The following NGFR variants were observed in gnomAD, a reference collection of about 807,000 sequenced individuals.
The protein encoded by NGFR is nerve growth factor receptor.
In NGFR, 30 loss-of-function variants were observed where a neutral mutation model predicts 43.2. The observed-to-expected ratio is 0.69, with a 90% CI of 0.52 to 0.94. The LOEUF (loss-of-function observed/expected upper bound fraction) is 0.94. NGFR is among the 40% of genes least tolerant of loss of function. NGFR has a pLI of 0.00. For synonymous variants in NGFR, 246 were observed against 259.6 expected, an observed-to-expected ratio of 0.95 and a Z score of 0.50; for missense variants, 529 against 602.5, an observed-to-expected ratio of 0.88 and a Z score of 1.28.
intron 3 of NGFR, among the ~76,000 whole-genome samples, chr17:49,507,963 T>C (rs1270738177): frequency 6.6e-6 from 1 of 152,210 alleles, no homozygotes; most frequent in African/African-American, 2.4e-5. Context: ...GACCCTCCAG[T>C]CTGATAGGGG....
At chr17:49,500,233 A>G (rs2071159821) in intron 1 of NGFR, among the ~76,000 whole-genome samples, 3 of 152,240 alleles carry the variant, frequency 2.0e-5, no homozygotes, top group South Asian at 2.1e-4. Flanking sequence ...TGCAGCCACC[A>G]TGGTGAAAAG....
chr17:49,510,313 G>C (rs2071222932), intron 3 of NGFR, 99 bp from the exon 4 acceptor site: 1 of 1,531,630 alleles, frequency 6.5e-7, no homozygotes, highest in African/African-American at 1.4e-5. Flanking sequence ...AGAGCACCTG[G>C]AGCCAGGGCG....
intron 2 of NGFR, 124 bp from the exon 3 acceptor site, chr17:49,506,175 C>G: frequency 6.8e-7 from 1 of 1,469,828 alleles, no homozygotes; most frequent in Non-Finnish European, 9.0e-7. Context: ...GGGTGGGAGC[C>G]GATGAGAAGG....
At position 49,504,743 on chromosome 17, in the gene NGFR, CCT is replaced by C. The variant is rs2071185859; in HGVS notation, c.209-1553_209-1552del. 4.1e-5 allele frequency among the ~76,000 whole-genome samples: 3 copies of C among 72,954 alleles called. No individual in the cohort carries two copies. The South Asian group carries it at 1.3e-3, about 33-fold the overall frequency. The allele number at this position is 72,954 out of a possible 152,430, so 47.9% of individuals were successfully genotyped here. The stretch of plus-strand genomic sequence containing the variant: ...CTTCTTCCTGGGTCTTTTCTTCTCT[CCT>C]CTACCCTTTTTCTTTCTTTCTTTCT... On this transcript the variant is annotated intron_variant, in intron 2 of 5. Transcript: ENST00000172229.
intron 1 of NGFR, among the ~76,000 whole-genome samples, chr17:49,501,266 C>T (rs1004634680): frequency 2.6e-5 from 4 of 152,206 alleles, no homozygotes; most frequent in Non-Finnish European, 4.4e-5. Flanking sequence ...GAAATCAAAC[C>T]GTGGCAGGGC....
In NGFR at chr17:49,506,201, A is replaced by G. The variant is rs537993254; in HGVS notation, c.209-98A>G. 311 of 1,490,660 alleles carry G rather than the reference A, an allele frequency of 2.1e-4. 4 individuals are homozygous for G. The South Asian group carries it at 3.2e-3, about 15-fold the overall frequency. The allele number at this position is 1,490,660 out of a possible 1,614,324, so 92.3% of individuals were successfully genotyped here. On this transcript the variant is annotated intron_variant, in intron 2 of 5. Transcript: ENST00000172229. ...GATGAGAAGGCTGAAGGAGGAAGTC[A>G]GCGTCCTGGCAGGCAATAGGGGAGG...
Position 49,513,146 on chromosome 17 carries a change from TC to T in NGFR, c.*139del. The T allele has an allele frequency of 1.1e-6, 1 of 932,590 alleles. No homozygotes were observed. Among genetic ancestry groups the T allele is most frequent in the Non-Finnish European group, 1.6e-6 (1 of 644,276 alleles). 57.8% of individuals were successfully genotyped at this position (932,590 alleles called of 1,614,324 possible). A position where few individuals can be genotyped will look rare whatever the true frequency, so the allele number is the denominator to read the frequency against. On this transcript the variant is annotated 3_prime_UTR_variant, in exon 6 of 6. Coordinates refer to ENST00000172229, the MANE Select transcript of NGFR (RefSeq NM_002507.4). Reference sequence around the variant, plus strand: ...AGCTCCTCTGGGCAGGACCTCAGAGTCCAGGCCCCAAAACCACAGCCCTGTC... The same window carrying T: ...AGCTCCTCTGGGCAGGACCTCAGAGTCAGGCCCCAAAACCACAGCCCTGTC...
intron 3 of NGFR, 73 bp from the exon 4 acceptor site, chr17:49,510,339 C>T: frequency 6.3e-7 from 1 of 1,578,400 alleles, no homozygotes; most frequent in Non-Finnish European, 8.6e-7. Context: ...ACAGGAAGAA[C>T]ACGGCAGTGG....
At position 49,512,670 on chromosome 17, in the gene NGFR, C is replaced by T. The variant is rs2071241300; in HGVS notation, c.983-38C>T. On this transcript the variant is annotated intron_variant, in intron 5 of 5. Coordinates refer to ENST00000172229, the MANE Select transcript of NGFR (RefSeq NM_002507.4). This position sits in a 1 kb window ranked among gnomAD's most constrained non-coding sequence, Gnocchi z 5.2. Reference sequence around the variant, plus strand: ...GTGCCCACTGTTGGGGAAAGGAGTTCAGGGGTAGGACCTGACTCTCCTCTG... The same window carrying T: ...GTGCCCACTGTTGGGGAAAGGAGTTTAGGGGTAGGACCTGACTCTCCTCTG... The T allele has an allele frequency of 6.5e-7, 1 of 1,535,728 alleles. No individual in the cohort carries two copies. Among genetic ancestry groups the T allele is most frequent in the Non-Finnish European group, 8.8e-7 (1 of 1,139,702 alleles).
Position 49,514,220 on chromosome 17 carries a change from C to G in NGFR, c.*1211C>G, listed in dbSNP as rs1381262725. On this transcript the variant is annotated 3_prime_UTR_variant, in exon 6 of 6. Transcript: ENST00000172229. ...CCGGGTTTGGCGGGCCAAGGACTGC[C>G]GACCGAGGCTGGAGCTGGCGTCTGT... 1 of 159,464 alleles carries G rather than the reference C, an allele frequency of 6.3e-6. No individual in the cohort carries two copies. Among genetic ancestry groups the G allele is most frequent in the Non-Finnish European group, 1.4e-5 (1 of 72,540 alleles). The allele number at this position is 159,464 out of a possible 1,614,324, so 9.9% of individuals were successfully genotyped here. A position where few individuals can be genotyped will look rare whatever the true frequency, so the allele number is the denominator to read the frequency against.
rs2071240522 is a variant in NGFR at position 49,512,578 on chromosome 17, C to T, written c.983-130C>T. 1.6e-6 allele frequency: 2 copies of T among 1,240,304 alleles called. No homozygotes were observed. Among genetic ancestry groups the T allele is most frequent in the Non-Finnish European group, 1.1e-6 (1 of 892,378 alleles). 76.8% of individuals were successfully genotyped at this position (1,240,304 alleles called of 1,614,324 possible). A position where few individuals can be genotyped will look rare whatever the true frequency, so the allele number is the denominator to read the frequency against. On this transcript the variant is annotated intron_variant, in intron 5 of 5. Transcript: ENST00000172229. This position sits in a 1 kb window ranked among gnomAD's most constrained non-coding sequence, Gnocchi z 5.2. Reference sequence around the variant, plus strand: ...CACTTCCTGGTGCCCCACCCAGGACCTTGTCTTGGCCCCAGGCCTCCAGAT... The same window carrying T: ...CACTTCCTGGTGCCCCACCCAGGACTTTGTCTTGGCCCCAGGCCTCCAGAT...
chr17:49,505,125 C>A (rs2584674), intron 2 of NGFR, among the ~76,000 whole-genome samples: 2 of 151,520 alleles, frequency 1.3e-5, no homozygotes, highest in Admixed American at 6.6e-5. Context: ...TTCTTTGCCT[C>A]CTCATCCCCC....
At chr17:49,502,002 C>CCG in intron 1 of NGFR, 61 bp from the exon 2 acceptor site, 3 of 269,490 alleles carry the variant, frequency 1.1e-5, no homozygotes, top group Non-Finnish European at 2.4e-5. Context: ...CCGGAAGAAC[C>CCG]CCCCCCAACC....
chr17:49,505,829 T>C (rs2071192987), intron 2 of NGFR: 1 of 159,126 alleles, frequency 6.3e-6, no homozygotes, highest in Non-Finnish European at 1.4e-5. Context: ...CACACCTGTG[T>C]GGAGAGGAAC....
rs745517856 is a variant in NGFR at position 49,506,617 on chromosome 17, A to G, written c.527A>G (p.Gln176Arg). Reference sequence around the variant, plus strand: ...ACCGTGTGCGAGGACACCGAGCGCCAGCTCCGCGAGTGCACACGCTGGGCC... The same window carrying G: ...ACCGTGTGCGAGGACACCGAGCGCCGGCTCCGCGAGTGCACACGCTGGGCC... The part of the protein sequence containing the change: ...PCTVCEDTER[Q>R]LRECTRWADA... The change falls in exon 3 of 6, where the codon CAG (glutamine) becomes CGG (arginine). Residue 176 changes from glutamine to arginine, a missense_variant. Physicochemically the swap from Gln to Arg is conservative, Grantham distance 43. Transcript: ENST00000172229. The G allele has an allele frequency of 1.3e-6, 2 of 1,589,236 alleles. No homozygotes were observed. Among genetic ancestry groups the G allele is most frequent in the Non-Finnish European group, 8.6e-7 (1 of 1,167,680 alleles).
intron 1 of NGFR, among the ~76,000 whole-genome samples, chr17:49,499,342 A>G (rs1480889372): frequency 6.6e-6 from 1 of 152,216 alleles, no homozygotes; most frequent in Non-Finnish European, 1.5e-5. Context: ...CAATGGCCAC[A>G]AAGTAGACCC....
rs377669981 is a variant in NGFR, at chr17:49,510,458, G to C, written c.615G>C (p.Ser205=). The C allele has an allele frequency of 1.2e-6, 2 of 1,613,892 alleles. No individual in the cohort carries two copies. The highest frequency in any genetic ancestry group is 1.3e-5 in the African/African-American group (1 of 74,872). ...CACGGTCCACACCCCCAGAGGGCTC[G>C]GACAGCACAGCCCCCAGCACCCAGG... ...WITRSTPPEG[S]DSTAPSTQEP... is the part of the protein sequence containing the mutation. The change falls in exon 4 of 6, where the codon TCG becomes TCC. Residue 205 remains serine (S), a synonymous_variant. Coordinates refer to ENST00000172229, the MANE Select transcript of NGFR (RefSeq NM_002507.4).
At chr17:49,507,760 A>AATAT (rs10626377) in intron 3 of NGFR, among the ~76,000 whole-genome samples, 22,737 of 152,134 alleles carry the variant, frequency 0.15, 1,775 homozygotes, top group South Asian at 0.21. Flanking sequence ...CTGAGCAGGC[A>AATAT]ATATAGTACC....
In NGFR at chr17:49,495,627, G is replaced by A. The variant is rs1396191703; in HGVS notation, c.66+144G>A. ...TGGTGGGAAAGGACCTCTGATGCCG[G>A]GACCACGAAGGAGGGTCTAGGGTTC... On this transcript the variant is annotated intron_variant, in intron 1 of 5. Transcript: ENST00000172229. The surrounding 1 kb of genome is among the most constrained non-coding windows in gnomAD (Gnocchi z 6.4). 28 of 704,606 alleles carry A rather than the reference G, an allele frequency of 4.0e-5. 1 individual carries two copies. The Admixed American group carries it at 1.2e-3, about 30-fold the overall frequency. 43.6% of individuals were successfully genotyped at this position (704,606 alleles called of 1,614,324 possible).
Sources: gnomAD v4.1 joint callset for allele counts (sites outside exome capture counted in the v4.1 genomes callset) on GRCh38, gnomAD v4.1.1 for gene constraint, Gnocchi (gnomAD v3.1) non-coding constraint, MANE v1.5 for transcripts, NCBI Gene and HGNC (gene_info 2026-07-23, HGNC 2026-07-21) for gene names.